Variants in NIM1K observed in about 807,000 individuals in gnomAD.
The protein encoded by NIM1K is serine/threonine-protein kinase NIM1.
Under a neutral mutation model 37.1 loss-of-function variants are expected in NIM1K, and 35 were observed. The ratio of observed to expected loss-of-function variants is 0.94; its 90% CI spans 0.72 to 1.25. The LOEUF is 1.25. NIM1K is among the 50% of genes most tolerant of loss of function. The pLI, the probability that NIM1K is intolerant of heterozygous loss-of-function variation, is 0.00. For missense variants in NIM1K, 564 were observed against 548.0 expected (o/e 1.03, Z -0.29); for synonymous variants, 234 against 206.6 (o/e 1.13, Z -1.14).
intron 1 of NIM1K, among the ~76,000 whole-genome samples, chr5:43,225,037 C>G (rs1005692510): frequency 2.6e-5 from 4 of 152,030 alleles, no homozygotes; most frequent in Non-Finnish European, 5.9e-5. Flanking sequence ...AAAGAGTGGG[C>G]TGATACAAAG....
chr5:43,260,755 C>T (rs1467225798), intron 2 of NIM1K, among the ~76,000 whole-genome samples: 3 of 151,928 alleles, frequency 2.0e-5, no homozygotes, highest in African/African-American at 7.3e-5. Flanking sequence ...TGCTATCCCT[C>T]CCCCCTTCCC....
intron 2 of NIM1K, among the ~76,000 whole-genome samples, chr5:43,249,044 T>TTTTA (rs58657107): frequency 0.11 from 15,050 of 139,108 alleles, 1,092 homozygotes; most frequent in East Asian, 0.19. Flanking sequence ...GCTAGTTTAT[T>TTTTA]TTTATTTATT....
rs548933506 is a variant in NIM1K at position 43,198,916 on chromosome 5, C to T, written c.-695+6505C>T. 1.2e-3 allele frequency among the ~76,000 whole-genome samples: 175 copies of T among 152,040 alleles called. 1 individual carries two copies. The highest frequency in any genetic ancestry group is 2.1e-3 in the Non-Finnish European group (140 of 67,988). On this transcript the variant is annotated intron_variant, in intron 1 of 3. Transcript: ENST00000326035. ...AAAAATATGTATAAAGGGCCAAGCA[C>T]GGTGGCTCACACCTGTAATCCCAGC...
intron 1 of NIM1K, among the ~76,000 whole-genome samples, chr5:43,198,848 A>C (rs1751974534): frequency 6.6e-6 from 1 of 152,162 alleles, no homozygotes; most frequent in Non-Finnish European, 1.5e-5. Context: ...CTGAAAAATG[A>C]GGATAATAGC....
chr5:43,221,646 C>T (rs1752382737), intron 1 of NIM1K, among the ~76,000 whole-genome samples: 1 of 152,106 alleles, frequency 6.6e-6, no homozygotes, highest in Non-Finnish European at 1.5e-5. Flanking sequence ...GAAAGTGATG[C>T]ACAGAAAACG....
chr5:43,272,547 C>G (rs1717687032), intron 2 of NIM1K, among the ~76,000 whole-genome samples: 3 of 152,086 alleles, frequency 2.0e-5, no homozygotes, highest in Admixed American at 1.3e-4. Flanking sequence ...GAAGGAGGGC[C>G]TGATTTTATT....
At chr5:43,242,206 CCT>C (rs1041800531) in intron 1 of NIM1K, among the ~76,000 whole-genome samples, 7 of 152,020 alleles carry the variant, frequency 4.6e-5, no homozygotes, top group African/African-American at 1.7e-4. Context: ...CTGTGCCCTC[CCT>C]CTCTGTTGAA....
chr5:43,238,824 AGAGT>A (rs1344293139), intron 1 of NIM1K, among the ~76,000 whole-genome samples: 1 of 151,662 alleles, frequency 6.6e-6, no homozygotes, highest in Non-Finnish European at 1.5e-5. Context: ...CTGGGAACCA[AGAGT>A]GCAAGGAGAA....
At chr5:43,275,432 A>T (rs1344627985) in intron 2 of NIM1K, among the ~76,000 whole-genome samples, 1 of 152,202 alleles carries the variant, frequency 6.6e-6, no homozygotes, top group East Asian at 1.9e-4. Context: ...CAAAGGTGAA[A>T]TGGTTGGGTC....
chr5:43,229,944 C>CT lies in NIM1K; in HGVS notation c.-694-15127dup, dbSNP rs771892372. Reference sequence around the variant, plus strand: ...ACCAAGCCCAGCCTAATTTTAGCCTCTTTTTTTTTTTCTTTAAGAGCGAAG... The same window carrying CT: ...ACCAAGCCCAGCCTAATTTTAGCCTCTTTTTTTTTTTTCTTTAAGAGCGAAG... On this transcript the variant is annotated intron_variant, in intron 1 of 3. Coordinates refer to ENST00000326035, the MANE Select transcript of NIM1K (RefSeq NM_153361.4). Among the ~76,000 whole-genome samples, 1,570 of 146,968 alleles carry CT rather than the reference C, an allele frequency of 0.011. 89 individuals are homozygous for CT. The East Asian group carries it at 0.16, about 15-fold the overall frequency.
chr5:43,267,869 T>A lies in NIM1K; in HGVS notation c.293-9188T>A, dbSNP rs10070435. The stretch of plus-strand genomic sequence containing the variant: ...ATTGATACTTGTTTTGTAGCCAATC[T>A]TATGGCCTATGTTGGAATATATTCC... On this transcript the variant is annotated intron_variant, in intron 2 of 3. Transcript: ENST00000326035. 9.9e-5 allele frequency among the ~76,000 whole-genome samples: 15 copies of A among 152,214 alleles called. No homozygotes were observed. The South Asian group carries it at 2.5e-3, about 25-fold the overall frequency.
intron 1 of NIM1K, among the ~76,000 whole-genome samples, chr5:43,202,644 G>T (rs1752047330): frequency 6.6e-6 from 1 of 152,178 alleles, no homozygotes. Context: ...AAGTAAGATT[G>T]CAGAGGAAAA....
chr5:43,206,675 C>A, intron 1 of NIM1K: 1 of 690,660 alleles, frequency 1.4e-6, no homozygotes, highest in Non-Finnish European at 2.7e-6. Context: ...CTCCCAAGGC[C>A]ACTCCCCCAG....
intron 1 of NIM1K, among the ~76,000 whole-genome samples, chr5:43,225,039 G>A (rs1234239074): frequency 6.6e-6 from 1 of 152,064 alleles, no homozygotes; most frequent in Non-Finnish European, 1.5e-5. Flanking sequence ...AGAGTGGGCT[G>A]ATACAAAGTT....
Position 43,280,251 on chromosome 5 carries a change from A to C in NIM1K, c.833A>C (p.Lys278Thr). 1.2e-6 allele frequency: 2 copies of C among 1,614,134 alleles called. No homozygotes were observed. The highest frequency in any genetic ancestry group is 1.7e-6 in the Non-Finnish European group (2 of 1,180,032). The stretch of plus-strand genomic sequence containing the variant: ...CCATTTCGGGCAGAAACCGTGGCCA[A>C]ACTAAAAAAGAGCATCCTCGAGGGC... Reference protein sequence around the residue: ...TMPFRAETVAKLKKSILEGTY... With the variant: ...TMPFRAETVATLKKSILEGTY... Residue 278 changes from lysine to threonine, a missense_variant, in exon 4 of 4, where the codon AAA becomes ACA. Lys to Thr is a moderately conservative substitution (Grantham distance 78). Transcript: ENST00000326035.
At chr5:43,260,591 T>TAG (rs933666418) in intron 2 of NIM1K, among the ~76,000 whole-genome samples, 2 of 149,740 alleles carry the variant, frequency 1.3e-5, no homozygotes, top group African/African-American at 4.9e-5. Context: ...CATATATATA[T>TAG]AGAGAGAGAG....
chr5:43,202,395 G>A (rs1579953501), intron 1 of NIM1K, among the ~76,000 whole-genome samples: 1 of 152,152 alleles, frequency 6.6e-6, no homozygotes, highest in Non-Finnish European at 1.5e-5. Context: ...GCTGGTTGGT[G>A]AGCTGATATA....
intron 1 of NIM1K, among the ~76,000 whole-genome samples, chr5:43,241,312 T>C (rs1407123518): frequency 1.4e-5 from 2 of 146,238 alleles, no homozygotes; most frequent in Non-Finnish European, 3.0e-5. Flanking sequence ...GGGAGGATAT[T>C]GGTATTTTTC....
intron 2 of NIM1K, among the ~76,000 whole-genome samples, chr5:43,268,303 A>C (rs1753200870): frequency 6.6e-6 from 1 of 152,224 alleles, no homozygotes; most frequent in Admixed American, 6.5e-5. Flanking sequence ...CAGTCATGCC[A>C]TGTGGTCAAA....
Sources: allele counts gnomAD v4.1 joint callset (sites outside exome capture counted in the v4.1 genomes callset), GRCh38; gene constraint gnomAD v4.1.1; transcripts MANE v1.5; gene names NCBI Gene and HGNC (gene_info 2026-07-23, HGNC 2026-07-21).